Variants in RBFOX3 observed in about 807,000 individuals in gnomAD.
The protein encoded by RBFOX3 is RNA binding fox-1 homolog 3, also known as RNA binding protein fox-1 homolog 3.
Under a neutral mutation model 48.7 loss-of-function variants are expected in RBFOX3, and 17 were observed. The observed-to-expected ratio is 0.35, with a 90% CI of 0.24 to 0.52. The LOEUF is 0.52. RBFOX3 is among the 20% of genes least tolerant of loss of function. RBFOX3 has a pLI of 0.94. For missense variants in RBFOX3, 382 were observed against 497.5 expected, an observed-to-expected ratio of 0.77 and a Z score of 2.21; for synonymous variants, 212 against 209.5, an observed-to-expected ratio of 1.01 and a Z score of -0.10.
intron 3 of RBFOX3, among the ~76,000 whole-genome samples, chr17:79,248,156 C>T (rs1326921780): frequency 6.6e-6 from 1 of 152,114 alleles, no homozygotes; most frequent in Non-Finnish European, 1.5e-5. Flanking sequence ...GAGGGAGGGA[C>T]GTTTGGAACA....
chr17:79,563,068 G>A (rs1009687847), intron 1 of RBFOX3, among the ~76,000 whole-genome samples: 6 of 152,204 alleles, frequency 3.9e-5, no homozygotes, highest in Admixed American at 1.3e-4. Context: ...AGCGGGCGGG[G>A]GGAGCAAGAA....
chr17:79,610,038 C>G (rs978326427), intron 1 of RBFOX3, among the ~76,000 whole-genome samples: 5 of 152,152 alleles, frequency 3.3e-5, no homozygotes, highest in African/African-American at 9.6e-5. Flanking sequence ...CCTCTGCTCC[C>G]GTTCCAGCCT....
At chr17:79,268,017 C>T (rs1486313604) in intron 3 of RBFOX3, among the ~76,000 whole-genome samples, 1 of 152,194 alleles carries the variant, frequency 6.6e-6, no homozygotes, top group Admixed American at 6.5e-5. Flanking sequence ...CAAAAATGTC[C>T]TCGGTCTCTG....
intron 1 of RBFOX3, among the ~76,000 whole-genome samples, chr17:79,584,867 G>A (rs1342714945): frequency 2.0e-5 from 3 of 152,076 alleles, no homozygotes; most frequent in East Asian, 1.9e-4. Context: ...CCGGGTTCAC[G>A]CCATTCTCCT....
At chr17:79,442,963 C>T (rs537537766) in intron 2 of RBFOX3, among the ~76,000 whole-genome samples, 31 of 152,354 alleles carry the variant, frequency 2.0e-4, no homozygotes, top group African/African-American at 7.5e-4. Context: ...AAAGAGGTCC[C>T]AGGCCATGAA....
In RBFOX3 at chr17:79,492,038, T is replaced by G. The variant is rs1306252991; in HGVS notation, c.-319-9440A>C. ...TTGCGGTGAGCCAAGATCATGCCATTGCACTCCAGCCTGGATGACAGAGCA... is the reference window on the plus strand; with the variant it reads ...TTGCGGTGAGCCAAGATCATGCCATGGCACTCCAGCCTGGATGACAGAGCA... On this transcript the variant is annotated intron_variant, in intron 1 of 14. Transcript: ENST00000693108. Among the ~76,000 whole-genome samples the G allele has an allele frequency of 7.9e-5, 12 of 152,264 alleles. No individual in the cohort carries two copies. In the East Asian group the frequency reaches 2.1e-3, roughly 27 times the overall value.
chr17:79,656,843 A>AAAGAAAAGAAAG, the RBFOX3 span, among the ~76,000 whole-genome samples: 2 of 134,234 alleles, frequency 1.5e-5, no homozygotes, highest in African/African-American at 3.1e-5. Flanking sequence ...AGAAAGAAAG[A>AAAGAAAAGAAAG]AAAGAAAAGA....
intron 1 of RBFOX3, among the ~76,000 whole-genome samples, chr17:79,499,510 G>T (rs909360038): frequency 5.9e-5 from 9 of 152,188 alleles, no homozygotes; most frequent in African/African-American, 2.2e-4. Context: ...CCCAATGAGA[G>T]GGGGTGAGAA....
intron 2 of RBFOX3, among the ~76,000 whole-genome samples, chr17:79,377,468 C>T (rs2059360619): frequency 6.6e-6 from 1 of 152,242 alleles, no homozygotes; most frequent in South Asian, 2.1e-4. Flanking sequence ...CGCACGCACA[C>T]ACACACACCA....
intron 2 of RBFOX3, among the ~76,000 whole-genome samples, chr17:79,416,987 T>C (rs1428237279): frequency 6.6e-6 from 1 of 152,160 alleles, no homozygotes; most frequent in Admixed American, 6.5e-5. Context: ...CCCAGGCCCC[T>C]TGGCATGGTT....
intron 2 of RBFOX3, among the ~76,000 whole-genome samples, chr17:79,412,151 CTG>C (rs908168932): frequency 1.3e-5 from 2 of 150,816 alleles, no homozygotes; most frequent in Non-Finnish European, 2.9e-5. Context: ...TGTGCATGAT[CTG>C]TGTGTGGTGT....
chr17:79,262,110 G>C (rs2065883453), intron 3 of RBFOX3, among the ~76,000 whole-genome samples: 1 of 152,162 alleles, frequency 6.6e-6, no homozygotes, highest in Non-Finnish European at 1.5e-5. Flanking sequence ...TCTCTGCCTG[G>C]GCTGTATGTT....
chr17:79,168,666 G>A (rs1437881122), intron 4 of RBFOX3, among the ~76,000 whole-genome samples: 5 of 152,250 alleles, frequency 3.3e-5, no homozygotes, highest in Non-Finnish European at 7.3e-5. Flanking sequence ...GCACTGAGGT[G>A]GGACAGTGCC....
At chr17:79,096,613 C>G (rs1042551101) in intron 12 of RBFOX3, 40 bp downstream of exon 12, 5 of 1,503,534 alleles carry the variant, frequency 3.3e-6, no homozygotes, top group Non-Finnish European at 4.5e-6. Flanking sequence ...ACCCACAGAA[C>G]GCCTGATCCC....
At chr17:79,611,130 T>TTCTCTCTCTCTCTCTCTCTCTCTCTC (rs1173570495), upstream of RBFOX3, among the ~76,000 whole-genome samples, 25 of 37,804 alleles carry the variant, frequency 6.6e-4, 7 homozygotes, top group African/African-American at 3.1e-3. Context: ...TCCGCCCTCC[T>TTCTCTCTCTCTCTCTCTCTCTCTCTC]TCTCTCTCTC....
intron 3 of RBFOX3, among the ~76,000 whole-genome samples, chr17:79,279,468 T>C (rs1032644012): frequency 5.9e-5 from 9 of 152,166 alleles, no homozygotes; most frequent in Non-Finnish European, 1.3e-4. Flanking sequence ...CGGCACAGCA[T>C]GGCCCGGCCC....
chr17:79,663,106 T>C, the RBFOX3 span, among the ~76,000 whole-genome samples: 1 of 152,222 alleles, frequency 6.6e-6, no homozygotes, highest in Admixed American at 6.5e-5. Flanking sequence ...TAGCCACTAA[T>C]TAGTCTAATG....
chr17:79,388,597 C>G (rs1278668831), intron 2 of RBFOX3, among the ~76,000 whole-genome samples: 2 of 152,218 alleles, frequency 1.3e-5, no homozygotes, highest in Admixed American at 6.5e-5. Context: ...CTGAGCGCCC[C>G]TGCTCCAGGA....
chr17:79,597,770 A>T (rs1243784551), intron 1 of RBFOX3, among the ~76,000 whole-genome samples: 1 of 152,158 alleles, frequency 6.6e-6, no homozygotes, highest in East Asian at 1.9e-4. Context: ...CAGGGAGCAG[A>T]CACCCCCAAA....
Sources: allele counts gnomAD v4.1 joint callset (sites outside exome capture counted in the v4.1 genomes callset), GRCh38; gene constraint gnomAD v4.1.1; transcripts MANE v1.5; gene names NCBI Gene and HGNC (gene_info 2026-07-23, HGNC 2026-07-21).